The following RAB33B variants were observed in gnomAD, a reference collection of about 807,000 sequenced individuals.
RAB33B encodes the protein ras-related protein Rab-33B.
Under a neutral mutation model 15.0 loss-of-function variants are expected in RAB33B, and 6 were observed. The ratio of observed to expected loss-of-function variants is 0.40; its 90% CI spans 0.22 to 0.79. RAB33B has a LOEUF of 0.79. Ranked by LOEUF, RAB33B falls within the 30% of genes least tolerant of loss-of-function variation. The pLI is 0.37. For synonymous variants in RAB33B, 117 were observed against 108.3 expected (o/e 1.08, Z -0.50); for missense variants, 257 against 296.4 (o/e 0.87, Z 0.98).
the RAB33B span, among the ~76,000 whole-genome samples, chr4:139,441,710 C>T: frequency 2.0e-5 from 3 of 152,228 alleles, no homozygotes; most frequent in Non-Finnish European, 1.5e-5. Context: ...CACTGTAAGT[C>T]GAGAAGCGTA....
At chr4:139,458,019 C>T (rs545002678) in intron 1 of RAB33B, among the ~76,000 whole-genome samples, 8 of 152,190 alleles carry the variant, frequency 5.3e-5, no homozygotes, top group African/African-American at 1.9e-4. Context: ...TAACTGATCT[C>T]CCAGTCCTCA....
rs1579185305 is a variant in RAB33B, at chr4:139,475,149, A to G, written c.*2023A>G. 6.6e-6 allele frequency: 1 copy of G among 152,214 alleles called. No homozygotes were observed. The highest frequency in any genetic ancestry group is 1.5e-5 in the Non-Finnish European group (1 of 67,932). The allele number at this position is 152,214 out of a possible 1,614,324, so 9.4% of individuals were successfully genotyped here. On this transcript the variant is annotated 3_prime_UTR_variant, in exon 2 of 2. Transcript: ENST00000305626. Reference sequence around the variant, plus strand: ...GGAATTTAAAAATTGTTTTACTTGTATCGAAATTAACCTTGATTTATAACT... The same window carrying G: ...GGAATTTAAAAATTGTTTTACTTGTGTCGAAATTAACCTTGATTTATAACT...
chr4:139,463,033 A>T (rs1381059924), intron 1 of RAB33B, among the ~76,000 whole-genome samples: 1 of 152,116 alleles, frequency 6.6e-6, no homozygotes. Context: ...GGGTGTGGTG[A>T]CACACTCCTG....
At chr4:139,444,772 T>C in the RAB33B span, among the ~76,000 whole-genome samples, 1 of 152,198 alleles carries the variant, frequency 6.6e-6, no homozygotes, top group African/African-American at 2.4e-5. Context: ...AGTGCCAGAA[T>C]GCATAATTGG....
chr4:139,466,961 C>CTTTTTTTTTTT (rs35504904), intron 1 of RAB33B, among the ~76,000 whole-genome samples: 1 of 68,482 alleles, frequency 1.5e-5, no homozygotes, highest in Admixed American at 2.2e-4. Flanking sequence ...GAAGCACAAA[C>CTTTTTTTTTTT]TTTTTTTTTT....
At chr4:139,441,938 T>G in the RAB33B span, among the ~76,000 whole-genome samples, 4 of 152,200 alleles carry the variant, frequency 2.6e-5, no homozygotes, top group Admixed American at 2.0e-4. Flanking sequence ...ATATTAAACA[T>G]CTAATATTGT....
At position 139,476,329 on chromosome 4, in the gene RAB33B, A is replaced by T. The variant is rs1317713098; in HGVS notation, c.*3203A>T. 2 of 152,224 alleles carry T rather than the reference A, an allele frequency of 1.3e-5. No individual in the cohort carries two copies. The highest frequency in any genetic ancestry group is 4.8e-5 in the African/African-American group (2 of 41,464). 9.4% of individuals were successfully genotyped at this position (152,224 alleles called of 1,614,324 possible). ...TTGCAGTTACTGATTTAGACACCAT[A>T]GGATTAGGGATGTGGGGGCCTCTGA... On this transcript the variant is annotated 3_prime_UTR_variant, in exon 2 of 2. Transcript: ENST00000305626.
At position 139,470,940 on chromosome 4, in the gene RAB33B, C is replaced by G. The variant is rs545044064; in HGVS notation, c.250-1746C>G. On this transcript the variant is annotated intron_variant, in intron 1 of 1. Coordinates refer to ENST00000305626, the MANE Select transcript of RAB33B (RefSeq NM_031296.3). Reference sequence around the variant, plus strand: ...AGCATCCTCCCCACTCTTCCCTCTCCTCTCCTCTCCTCTCCTCAAATGGAG... The same window carrying G: ...AGCATCCTCCCCACTCTTCCCTCTCGTCTCCTCTCCTCTCCTCAAATGGAG... Among the ~76,000 whole-genome samples, 4 of 152,208 alleles carry G rather than the reference C, an allele frequency of 2.6e-5. No individual in the cohort carries two copies. The East Asian group carries it at 5.8e-4, about 22-fold the overall frequency.
At chr4:139,455,825 C>G (rs72726543) in intron 1 of RAB33B, among the ~76,000 whole-genome samples, 19,916 of 152,218 alleles carry the variant, frequency 0.13, 1,705 homozygotes, top group Admixed American at 0.24. Context: ...CTGGGAAGTA[C>G]GTGGGCTTTG....
chr4:139,464,427 A>T lies in RAB33B; in HGVS notation c.250-8259A>T, dbSNP rs561102638. Among the ~76,000 whole-genome samples the T allele has an allele frequency of 2.9e-4, 29 of 101,676 alleles. No homozygotes were observed. The South Asian group carries it at 9.1e-3, about 32-fold the overall frequency. 66.7% of individuals were successfully genotyped at this position (101,676 alleles called of 152,430 possible). The stretch of plus-strand genomic sequence containing the variant: ...TTTTTTTTTTTATACTTTAAGTTCT[A>T]GGGTATTCAATGTGCAGGTTTGTTA... On this transcript the variant is annotated intron_variant, in intron 1 of 1. Transcript: ENST00000305626.
At chr4:139,443,185 G>A in the RAB33B span, among the ~76,000 whole-genome samples, 3 of 152,058 alleles carry the variant, frequency 2.0e-5, no homozygotes, top group Non-Finnish European at 4.4e-5. Context: ...GCAGAGATGG[G>A]GTTTCACCAT....
chr4:139,462,942 G>A (rs769706144), intron 1 of RAB33B, among the ~76,000 whole-genome samples: 1 of 152,126 alleles, frequency 6.6e-6, no homozygotes, highest in Non-Finnish European at 1.5e-5. Flanking sequence ...TTGGGAGGCC[G>A]ATCAGTTGAG....
upstream of RAB33B, chr4:139,452,863 T>C (rs1353679821): frequency 6.6e-6 from 1 of 152,266 alleles, no homozygotes; most frequent in Non-Finnish European, 1.5e-5. Flanking sequence ...AGTTAAGGTC[T>C]GCCATGTCCT....
chr4:139,446,777 A>G, the RAB33B span, among the ~76,000 whole-genome samples: 9 of 152,186 alleles, frequency 5.9e-5, no homozygotes, highest in Non-Finnish European at 1.2e-4. Context: ...GAGGTTACAT[A>G]TGGGCTCGGG....
At chr4:139,443,070 G>A in the RAB33B span, among the ~76,000 whole-genome samples, 1 of 151,468 alleles carries the variant, frequency 6.6e-6, no homozygotes, top group Non-Finnish European at 1.5e-5. Flanking sequence ...TTGGCTCACC[G>A]CAAGCTCTGC....
chr4:139,461,731 T>C (rs1008859223), intron 1 of RAB33B, among the ~76,000 whole-genome samples: 3 of 152,086 alleles, frequency 2.0e-5, no homozygotes, highest in African/African-American at 7.2e-5. Flanking sequence ...CACTGCTTGC[T>C]CTCTTCCTTA....
At chr4:139,461,789 G>C (rs1425347574) in intron 1 of RAB33B, among the ~76,000 whole-genome samples, 1 of 151,284 alleles carries the variant, frequency 6.6e-6, no homozygotes, top group Non-Finnish European at 1.5e-5. Flanking sequence ...AAAAAATTTT[G>C]ACCAGGCATG....
Position 139,454,158 on chromosome 4 carries a change from C to T in RAB33B, c.-38C>T. 1.3e-6 allele frequency: 2 copies of T among 1,578,582 alleles called. No individual in the cohort carries two copies. Among genetic ancestry groups the T allele is most frequent in the South Asian group, 2.3e-5 (2 of 85,498 alleles). On this transcript the variant is annotated 5_prime_UTR_variant, in exon 1 of 2. Transcript: ENST00000305626. ...GCGTAATCTCTCAGCCTTTCTGTGTCTCCTTTCCTCCGCCTCAGTTTGGGG... is the reference window on the plus strand; with the variant it reads ...GCGTAATCTCTCAGCCTTTCTGTGTTTCCTTTCCTCCGCCTCAGTTTGGGG...
At chr4:139,464,090 T>C (rs888294823) in intron 1 of RAB33B, among the ~76,000 whole-genome samples, 14 of 152,150 alleles carry the variant, frequency 9.2e-5, no homozygotes, top group African/African-American at 3.1e-4. Context: ...CTGGGCAACA[T>C]AGTGTGACCA....
Sources: allele counts gnomAD v4.1 joint callset (sites outside exome capture counted in the v4.1 genomes callset), GRCh38; gene constraint gnomAD v4.1.1; transcripts MANE v1.5; gene names NCBI Gene and HGNC (gene_info 2026-07-23, HGNC 2026-07-21).